The following TMEM132C variants were observed in gnomAD, a reference collection of about 807,000 sequenced individuals.
TMEM132C encodes protein phosphatase 1, regulatory subunit 152.
TMEM132C carries 29 observed loss-of-function variants against 61.4 expected under a neutral mutation model. The observed-to-expected ratio is 0.47, with a 90% CI of 0.35 to 0.64. The LOEUF (loss-of-function observed/expected upper bound fraction) is 0.64. TMEM132C is among the 30% of genes least tolerant of loss of function. The pLI, the probability that TMEM132C is intolerant of heterozygous loss-of-function variation, is 0.00. For missense variants in TMEM132C, 1,408 were observed against 1,476.9 expected (o/e 0.95, Z 0.76); for synonymous variants, 656 against 633.1 (o/e 1.04, Z -0.54).
At chr12:128,376,319 G>A (rs532735767) in intron 1 of TMEM132C, among the ~76,000 whole-genome samples, 4 of 152,224 alleles carry the variant, frequency 2.6e-5, no homozygotes, top group African/African-American at 7.2e-5. Context: ...ACTGCTGATC[G>A]AATTTGTTCT....
intron 1 of TMEM132C, among the ~76,000 whole-genome samples, chr12:128,267,776 G>A (rs924790965): frequency 6.6e-6 from 1 of 152,186 alleles, no homozygotes; most frequent in Non-Finnish European, 1.5e-5. Flanking sequence ...GTGGCTGAGG[G>A]ACACGGTGTT....
At position 128,630,157 on chromosome 12, in the gene TMEM132C, C is replaced by T. The variant is rs1954054488; in HGVS notation, c.1305+13822C>T. On this transcript the variant is annotated intron_variant, in intron 4 of 8. Transcript: ENST00000435159. The surrounding 1 kb of genome is among the most constrained non-coding windows in gnomAD (Gnocchi z 4.3). ...TTGGGAAAGCCTGGGTGCCCCCCTCCAAGGTGTCTCAGGCGGCAAGCTGGC... is the reference window on the plus strand; with the variant it reads ...TTGGGAAAGCCTGGGTGCCCCCCTCTAAGGTGTCTCAGGCGGCAAGCTGGC... Among the ~76,000 whole-genome samples the T allele has an allele frequency of 6.6e-6, 1 of 152,054 alleles. No individual in the cohort carries two copies.
At chr12:128,376,027 G>A (rs1874181582) in intron 1 of TMEM132C, among the ~76,000 whole-genome samples, 1 of 152,194 alleles carries the variant, frequency 6.6e-6, no homozygotes, top group African/African-American at 2.4e-5. Flanking sequence ...AAGCTTCAGA[G>A]TTTCAAGCGG....
chr12:128,468,134 G>A (rs1265423928), intron 2 of TMEM132C, among the ~76,000 whole-genome samples: 7 of 152,144 alleles, frequency 4.6e-5, no homozygotes, highest in Non-Finnish European at 8.8e-5. Flanking sequence ...TGCATGTTGA[G>A]CAGAGGGAAG....
chr12:128,703,664 T>A (rs1169499587), intron 8 of TMEM132C, among the ~76,000 whole-genome samples: 4 of 152,162 alleles, frequency 2.6e-5, no homozygotes, highest in African/African-American at 7.2e-5. Context: ...GCCATTTAGG[T>A]TGACTTTGTG....
At chr12:128,524,210 C>A (rs1043224162) in intron 2 of TMEM132C, among the ~76,000 whole-genome samples, 27 of 152,100 alleles carry the variant, frequency 1.8e-4, no homozygotes, top group Admixed American at 6.6e-4. Context: ...GCAACTGAAT[C>A]CTTGATCTAT....
chr12:128,459,093 G>A (rs897045054), intron 2 of TMEM132C, among the ~76,000 whole-genome samples: 2 of 152,232 alleles, frequency 1.3e-5, no homozygotes, highest in Admixed American at 6.5e-5. Flanking sequence ...AGGTCCCACT[G>A]CAGCCTTGGA....
intron 2 of TMEM132C, among the ~76,000 whole-genome samples, chr12:128,447,369 C>A (rs182691350): frequency 3.3e-4 from 51 of 152,278 alleles, no homozygotes; most frequent in African/African-American, 1.1e-3. Flanking sequence ...AGGTAATTCC[C>A]TGAAAATAAT....
chr12:128,491,612 G>A (rs1052626249), intron 2 of TMEM132C, among the ~76,000 whole-genome samples: 6 of 152,132 alleles, frequency 3.9e-5, no homozygotes, highest in Non-Finnish European at 8.8e-5. Context: ...ACTGGATCCT[G>A]CTCCTACTCT....
intron 2 of TMEM132C, among the ~76,000 whole-genome samples, chr12:128,508,256 A>G (rs758389795): frequency 2.0e-4 from 30 of 152,324 alleles, no homozygotes; most frequent in Middle Eastern, 6.8e-3. Context: ...TTTCACTACC[A>G]TGAGAACGGT....
At chr12:128,452,216 T>A (rs1009587630) in intron 2 of TMEM132C, among the ~76,000 whole-genome samples, 3 of 151,862 alleles carry the variant, frequency 2.0e-5, no homozygotes, top group Non-Finnish European at 4.4e-5. Context: ...CACCTCAGGC[T>A]CCCGAGTAAT....
intron 1 of TMEM132C, among the ~76,000 whole-genome samples, chr12:128,331,958 C>T (rs1448465232): frequency 6.6e-6 from 1 of 152,180 alleles, no homozygotes; most frequent in Admixed American, 6.5e-5. Flanking sequence ...GAGTATCATA[C>T]TGTATCTTTC....
rs926226820 is a variant in TMEM132C at position 128,706,778 on chromosome 12, G to C, written c.*483G>C. 2 of 152,854 alleles carry C rather than the reference G, an allele frequency of 1.3e-5. No homozygotes were observed. Among genetic ancestry groups the C allele is most frequent in the Non-Finnish European group, 2.9e-5 (2 of 68,558 alleles). 9.5% of individuals were successfully genotyped at this position (152,854 alleles called of 1,614,324 possible). A position where few individuals can be genotyped will look rare whatever the true frequency, so the allele number is the denominator to read the frequency against. Reference sequence around the variant, plus strand: ...AGCCTTCAACTGTCACCACACAGCTGGGGGGGAGTCATTTCTTAACAAGGG... The same window carrying C: ...AGCCTTCAACTGTCACCACACAGCTCGGGGGGAGTCATTTCTTAACAAGGG... On this transcript the variant is annotated 3_prime_UTR_variant, in exon 9 of 9. Transcript: ENST00000435159.
At chr12:128,653,786 A>G (rs1954297238) in intron 4 of TMEM132C, among the ~76,000 whole-genome samples, 1 of 152,182 alleles carries the variant, frequency 6.6e-6, no homozygotes. Context: ...GAGGTGGCCC[A>G]TGTTAGGGTT....
intron 3 of TMEM132C, among the ~76,000 whole-genome samples, chr12:128,563,917 AC>A (rs1384025480): frequency 3.9e-5 from 6 of 152,166 alleles, no homozygotes; most frequent in African/African-American, 1.4e-4. Context: ...CTTGGCGATG[AC>A]CTTGAGCAAT....
intron 1 of TMEM132C, among the ~76,000 whole-genome samples, chr12:128,286,851 G>A (rs1871091526): frequency 6.6e-6 from 1 of 152,154 alleles, no homozygotes; most frequent in Non-Finnish European, 1.5e-5. Flanking sequence ...GGAGTGCCGG[G>A]CACGTGAGAT....
At chr12:128,541,769 G>T (rs548811220) in intron 2 of TMEM132C, among the ~76,000 whole-genome samples, 14 of 152,294 alleles carry the variant, frequency 9.2e-5, no homozygotes, top group Non-Finnish European at 1.8e-4. Flanking sequence ...CTGGCTGGCT[G>T]TTTGGAGAGG....
Position 128,306,326 on chromosome 12 carries a change from C to T in TMEM132C, c.85+38839C>T, listed in dbSNP as rs907589706. On this transcript the variant is annotated intron_variant, in intron 1 of 8. Coordinates refer to ENST00000435159, the MANE Select transcript of TMEM132C (RefSeq NM_001136103.3). ...CTGCCATACTCCTGCCTCAGCCTCC[C>T]GAGTAGCTGGGACTACAGGTGCCCG... 1.1e-4 allele frequency among the ~76,000 whole-genome samples: 16 copies of T among 151,880 alleles called. 1 individual carries two copies. The highest frequency in any genetic ancestry group is 2.1e-4 in the Non-Finnish European group (14 of 67,972).
chr12:128,638,798 T>C (rs1486895237), intron 4 of TMEM132C, among the ~76,000 whole-genome samples: 1 of 152,062 alleles, frequency 6.6e-6, no homozygotes, highest in African/African-American at 2.4e-5. Flanking sequence ...CTGGTGGTGA[T>C]GGTGATTATG....
Sources: allele counts gnomAD v4.1 joint callset (sites outside exome capture counted in the v4.1 genomes callset), GRCh38; gene constraint gnomAD v4.1.1; non-coding constraint Gnocchi (gnomAD v3.1); transcripts MANE v1.5; gene names NCBI Gene and HGNC (gene_info 2026-07-23, HGNC 2026-07-21).